ARHGAP19: variants seen among roughly 807,000 people sequenced by gnomAD.
ARHGAP19 encodes Rho GTPase activating protein 19.
A neutral mutation model predicts 60.9 loss-of-function variants in ARHGAP19; 48 were observed. The ratio of observed to expected loss-of-function variants is 0.79; its 90% CI spans 0.62 to 1.00. ARHGAP19 has a LOEUF of 1.00. ARHGAP19 is among the 50% of genes least tolerant of loss of function. The probability of loss-of-function intolerance (pLI) is 0.00; values close to 1 mark genes in which losing one functional copy is unlikely to be tolerated. For missense variants in ARHGAP19, 562 were observed against 597.2 expected (o/e 0.94, Z 0.61); for synonymous variants, 209 against 215.5 (o/e 0.97, Z 0.27).
At chr10:97,226,249 T>C (rs921764471) in intron 11 of ARHGAP19, 117 bp from the exon 12 acceptor site, 1 of 991,034 alleles carries the variant, frequency 1.0e-6, no homozygotes, top group Non-Finnish European at 1.5e-6. Flanking sequence ...TGAAGGCTAA[T>C]GAGTTTAATT....
chr10:97,246,924 A>C (rs574500233), intron 6 of ARHGAP19, among the ~76,000 whole-genome samples: 1 of 152,020 alleles, frequency 6.6e-6, no homozygotes, highest in African/African-American at 2.4e-5. Context: ...GATCACCTGA[A>C]GTCAGGAGTT....
In ARHGAP19 at chr10:97,246,192, T is replaced by C. The variant is rs1399692394; in HGVS notation, c.993+80A>G. 5.1e-6 allele frequency: 6 copies of C among 1,174,096 alleles called. No individual in the cohort carries two copies. The Admixed American group carries it at 5.6e-5, about 11-fold the overall frequency. 72.7% of individuals were successfully genotyped at this position (1,174,096 alleles called of 1,614,324 possible). On this transcript the variant is annotated intron_variant, in intron 7 of 11. Coordinates refer to ENST00000358531, the MANE Select transcript of ARHGAP19 (RefSeq NM_032900.6). ...ACTTATTATTTTCCATGCTTTTACTTTGACTTCATACTTTGTTTTAAGACT... is the reference window on the plus strand; with the variant it reads ...ACTTATTATTTTCCATGCTTTTACTCTGACTTCATACTTTGTTTTAAGACT...
intron 6 of ARHGAP19, among the ~76,000 whole-genome samples, chr10:97,252,339 T>C (rs1467056258): frequency 8.6e-6 from 1 of 116,254 alleles, no homozygotes; most frequent in Non-Finnish European, 1.9e-5. Flanking sequence ...AAAAAAAAAA[T>C]AGCCCGGGCG....
chr10:97,236,877 C>A (rs1374705307), intron 8 of ARHGAP19, among the ~76,000 whole-genome samples: 20 of 149,612 alleles, frequency 1.3e-4, no homozygotes, highest in Admixed American at 2.7e-4. Flanking sequence ...AGAATCAGAT[C>A]AAGCCTCTAG....
intron 1 of ARHGAP19, among the ~76,000 whole-genome samples, chr10:97,291,108 A>G (rs1843225569): frequency 6.6e-6 from 1 of 152,160 alleles, no homozygotes; most frequent in Non-Finnish European, 1.5e-5. Context: ...GTAAAGAAAT[A>G]GCCAATCATC....
intron 1 of ARHGAP19, among the ~76,000 whole-genome samples, chr10:97,284,967 G>T (rs898618114): frequency 2.0e-5 from 3 of 149,502 alleles, no homozygotes; most frequent in Non-Finnish European, 4.4e-5. Flanking sequence ...AGGTTCAAGC[G>T]ATTCTCCTAC....
At chr10:97,256,792 A>T (rs1158443420) in intron 5 of ARHGAP19, among the ~76,000 whole-genome samples, 1 of 152,234 alleles carries the variant, frequency 6.6e-6, no homozygotes. Flanking sequence ...AAGAATGGTC[A>T]CTACTGATAC....
intron 6 of ARHGAP19, among the ~76,000 whole-genome samples, chr10:97,253,393 A>G (rs1192028683): frequency 6.6e-6 from 1 of 151,954 alleles, no homozygotes; most frequent in African/African-American, 2.4e-5. Flanking sequence ...AAAAAAAAAA[A>G]AAGTGCATCT....
At chr10:97,279,014 T>C (rs1214905803) in intron 1 of ARHGAP19, among the ~76,000 whole-genome samples, 1 of 152,194 alleles carries the variant, frequency 6.6e-6, no homozygotes, top group Admixed American at 6.6e-5. Flanking sequence ...GAGAGAAGAA[T>C]GCCCTCTCTC....
chr10:97,233,206 C>G (rs1028815927), intron 9 of ARHGAP19, among the ~76,000 whole-genome samples: 20 of 151,316 alleles, frequency 1.3e-4, no homozygotes, highest in Non-Finnish European at 2.5e-4. Context: ...AAAAATCAGC[C>G]AGGTATGATG....
Position 97,263,530 on chromosome 10 carries a change from G to T in ARHGAP19, c.503C>A (p.Ser168Ter), listed in dbSNP as rs773951889. ...LNNGTDIDLE[S>*]GEFHSNDVAT... is the part of the protein sequence containing the mutation. ...AACATCATTTGAGTGAAATTCCCCT[G>T]ATTCCAAGTCAATGTCAGTTCCATT... The change falls in exon 4 of 12, where the codon TCA (serine) becomes TAA (stop). Residue 168 changes from serine to a stop codon, truncating the protein, a stop_gained. Coordinates refer to ENST00000358531, the MANE Select transcript of ARHGAP19 (RefSeq NM_032900.6). LOFTEE classifies it high-confidence loss of function. 6 of 1,614,120 alleles carry T rather than the reference G, an allele frequency of 3.7e-6. No homozygotes were observed. Among genetic ancestry groups the T allele is most frequent in the Non-Finnish European group, 5.1e-6 (6 of 1,180,024 alleles).
intron 1 of ARHGAP19, among the ~76,000 whole-genome samples, chr10:97,287,830 AG>A (rs1193279202): frequency 1.3e-5 from 2 of 152,206 alleles, no homozygotes; most frequent in African/African-American, 4.8e-5. Context: ...TGGGAGGCCA[AG>A]GCAGGCAGAT....
At chr10:97,271,764 C>T (rs1195483820) in intron 1 of ARHGAP19, among the ~76,000 whole-genome samples, 2 of 152,112 alleles carry the variant, frequency 1.3e-5, no homozygotes, top group Non-Finnish European at 2.9e-5. Context: ...TCACTGCAGC[C>T]TCTGCCTTCC....
At chr10:97,249,797 C>CTTTT (rs34158492) in intron 6 of ARHGAP19, among the ~76,000 whole-genome samples, 4 of 109,028 alleles carry the variant, frequency 3.7e-5, no homozygotes, top group Admixed American at 9.6e-5. Flanking sequence ...TAGTGTGATT[C>CTTTT]TTTTTTTTTT....
intron 1 of ARHGAP19, among the ~76,000 whole-genome samples, chr10:97,272,901 G>A (rs1842977902): frequency 6.6e-6 from 1 of 150,488 alleles, no homozygotes; most frequent in African/African-American, 2.4e-5. Flanking sequence ...AGTGCAGTGG[G>A]ACGATCTCGG....
chr10:97,246,383 T>C (rs1161975732), intron 6 of ARHGAP19, 46 bp from the exon 7 acceptor site: 1 of 1,458,576 alleles, frequency 6.9e-7, no homozygotes, highest in South Asian at 1.2e-5. Flanking sequence ...ATTAGTAGAA[T>C]ATAACATTCT....
intron 7 of ARHGAP19, among the ~76,000 whole-genome samples, chr10:97,245,363 C>T (rs912021471): frequency 1.3e-5 from 2 of 152,018 alleles, no homozygotes; most frequent in African/African-American, 2.4e-5. Flanking sequence ...TGGTGGATCA[C>T]GCCTGTAATC....
At chr10:97,230,070 T>C (rs534901703) in intron 9 of ARHGAP19, among the ~76,000 whole-genome samples, 196 bp from the exon 10 acceptor site, 38 of 152,222 alleles carry the variant, frequency 2.5e-4, no homozygotes, top group Non-Finnish European at 4.7e-4. Flanking sequence ...ATCATTACTT[T>C]TGTTTAAGTG....
At chr10:97,260,479 G>A (rs1290772509) in intron 4 of ARHGAP19, among the ~76,000 whole-genome samples, 2 of 151,738 alleles carry the variant, frequency 1.3e-5, no homozygotes, top group Non-Finnish European at 2.9e-5. Flanking sequence ...GCAGTGAGCC[G>A]AGATCATGCC....
Sources: allele counts gnomAD v4.1 joint callset (sites outside exome capture counted in the v4.1 genomes callset), GRCh38; gene constraint gnomAD v4.1.1; transcripts MANE v1.5; gene names NCBI Gene and HGNC (gene_info 2026-07-23, HGNC 2026-07-21).